NRCAM: variants seen among roughly 807,000 people sequenced by gnomAD.
NRCAM encodes the protein NgCAM-related cell adhesion molecule.
In NRCAM, 83 loss-of-function variants were observed where a neutral mutation model predicts 156.5. The observed-to-expected ratio is 0.53, with a 90% CI of 0.44 to 0.64. The LOEUF is 0.64. NRCAM is among the 30% of genes least tolerant of loss of function. The pLI, the probability that NRCAM is intolerant of heterozygous loss-of-function variation, is 0.00. For missense variants in NRCAM, 1,417 were observed against 1,597.3 expected (o/e 0.89, Z 1.92); for synonymous variants, 538 against 563.9 (o/e 0.95, Z 0.65).
intron 20 of NRCAM, among the ~76,000 whole-genome samples, chr7:108,185,736 A>G (rs1341058562): frequency 6.6e-5 from 1 of 15,052 alleles, no homozygotes; most frequent in Non-Finnish European, 4.5e-4. Context: ...GAGAGAGAGG[A>G]AAAAAAAAAA....
At chr7:108,438,391 G>A (rs1044866687) in intron 1 of NRCAM, among the ~76,000 whole-genome samples, 1 of 152,038 alleles carries the variant, frequency 6.6e-6, no homozygotes, top group African/African-American at 2.4e-5. Flanking sequence ...TACATTAATA[G>A]AATAAATGAC....
At chr7:108,430,999 T>C (rs1033893286) in intron 1 of NRCAM, among the ~76,000 whole-genome samples, 3 of 152,198 alleles carry the variant, frequency 2.0e-5, no homozygotes, top group African/African-American at 4.8e-5. Context: ...CCCTAGTGTA[T>C]TAATTAGGAT....
At chr7:108,368,769 G>C (rs1039800194) in intron 2 of NRCAM, among the ~76,000 whole-genome samples, 1 of 152,096 alleles carries the variant, frequency 6.6e-6, no homozygotes, top group Non-Finnish European at 1.5e-5. Flanking sequence ...ATGAGAAACC[G>C]TATATTTCTG....
intron 2 of NRCAM, among the ~76,000 whole-genome samples, chr7:108,346,635 C>T (rs1013855606): frequency 6.6e-6 from 1 of 152,154 alleles, no homozygotes; most frequent in Non-Finnish European, 1.5e-5. Flanking sequence ...TCACCTCTTA[C>T]AGTGATGGTA....
intron 2 of NRCAM, among the ~76,000 whole-genome samples, chr7:108,341,294 G>C (rs1455802459): frequency 6.6e-6 from 1 of 152,212 alleles, no homozygotes; most frequent in African/African-American, 2.4e-5. Context: ...GGGTATGCTT[G>C]ACCATTGAGG....
chr7:108,439,728 G>A (rs1836367800), intron 1 of NRCAM, among the ~76,000 whole-genome samples: 1 of 151,284 alleles, frequency 6.6e-6, no homozygotes, highest in South Asian at 2.1e-4. Flanking sequence ...CAGCTACTAG[G>A]GAGGCTGAGG....
At chr7:108,363,569 T>C (rs2099572981) in intron 2 of NRCAM, among the ~76,000 whole-genome samples, 1 of 152,170 alleles carries the variant, frequency 6.6e-6, no homozygotes, top group Admixed American at 6.5e-5. Context: ...TTCTTAAGTG[T>C]GAACTGCTCA....
chr7:108,284,126 A>C (rs1036544987), intron 3 of NRCAM, among the ~76,000 whole-genome samples: 3 of 152,142 alleles, frequency 2.0e-5, no homozygotes, highest in African/African-American at 7.2e-5. Flanking sequence ...CCAGCCTCTC[A>C]TTTCCAAATT....
At chr7:108,222,885 C>T (rs753357711) in intron 11 of NRCAM, among the ~76,000 whole-genome samples, 34 of 152,200 alleles carry the variant, frequency 2.2e-4, no homozygotes, top group Middle Eastern at 6.3e-3. Flanking sequence ...TTCCTTGTAA[C>T]ACAGAGCTAA....
intron 2 of NRCAM, among the ~76,000 whole-genome samples, chr7:108,388,791 T>G (rs1049409684): frequency 2.0e-5 from 3 of 152,238 alleles, no homozygotes; most frequent in Non-Finnish European, 4.4e-5. Flanking sequence ...TAGCCAGTTT[T>G]CCCAGCACCA....
chr7:108,359,870 C>G (rs1445585070), intron 2 of NRCAM, among the ~76,000 whole-genome samples: 1 of 152,074 alleles, frequency 6.6e-6, no homozygotes, highest in African/African-American at 2.4e-5. Flanking sequence ...AATCTGCTCC[C>G]CTCCCATTCT....
At chr7:108,152,092 A>G (rs1335688542) in intron 32 of NRCAM, among the ~76,000 whole-genome samples, 1 of 152,166 alleles carries the variant, frequency 6.6e-6, no homozygotes, top group Non-Finnish European at 1.5e-5. Context: ...TTCTAGTGGA[A>G]GAAAATACAA....
chr7:108,370,589 C>T (rs996828571), intron 2 of NRCAM, among the ~76,000 whole-genome samples: 5 of 151,970 alleles, frequency 3.3e-5, no homozygotes, highest in South Asian at 2.1e-4. Context: ...AAAATCGTAA[C>T]GTTTTTCAGA....
chr7:108,387,015 T>C (rs1189672115), intron 2 of NRCAM, among the ~76,000 whole-genome samples: 1 of 152,160 alleles, frequency 6.6e-6, no homozygotes, highest in Admixed American at 6.6e-5. Context: ...TCTAACTATC[T>C]TCCTTCTTTA....
rs969455417 is a variant in NRCAM at position 108,425,669 on chromosome 7, A to G, written c.-331-26076T>C. On this transcript the variant is annotated intron_variant, in intron 1 of 32. Transcript: ENST00000379028. ...AGATCCAAATTCAAGGTTATAAATT[A>G]AATTACAAAATAGCAACGACCTAAA... Among the ~76,000 whole-genome samples, 6 of 152,256 alleles carry G rather than the reference A, an allele frequency of 3.9e-5. No homozygotes were observed. In the East Asian group the frequency reaches 1.2e-3, roughly 29 times the overall value.
At chr7:108,281,823 CTGG>C (rs1563093441) in intron 3 of NRCAM, among the ~76,000 whole-genome samples, 1 of 152,148 alleles carries the variant, frequency 6.6e-6, no homozygotes, top group African/African-American at 2.4e-5. Flanking sequence ...GATGGGCAAA[CTGG>C]ATGTAATAAT....
rs565277285 is a variant in NRCAM, at chr7:108,191,807, C to T, written c.1825G>A (p.Asp609Asn). 1.9e-5 allele frequency: 31 copies of T among 1,613,724 alleles called. No homozygotes were observed. The highest frequency in any genetic ancestry group is 1.6e-4 in the African/African-American group (12 of 74,908). Residue 609 changes from aspartate (D) to asparagine (N), a missense_variant, in exon 18 of 33, where the codon GAT becomes AAT. Coordinates refer to ENST00000379028, the MANE Select transcript of NRCAM (RefSeq NM_001037132.4). The part of the protein sequence containing the change: ...DHLVVADVSD[D>N]DSGTYTCVAN... ...ACACACGTGTAGGTCCCGCTGTCATCGTCACTGACATCAGCTACCACTAGA... is the reference window on the plus strand; with the variant it reads ...ACACACGTGTAGGTCCCGCTGTCATTGTCACTGACATCAGCTACCACTAGA...
chr7:108,205,574 A>G lies in NRCAM; in HGVS notation c.1207+1954T>C, dbSNP rs761596172. ...TTTTCCCTGCTGAAGGGCTAGATGGATGGTTCCTTCCACTTGTCAGTTTCA... is the reference window on the plus strand; with the variant it reads ...TTTTCCCTGCTGAAGGGCTAGATGGGTGGTTCCTTCCACTTGTCAGTTTCA... On this transcript the variant is annotated intron_variant, in intron 13 of 32. Coordinates refer to ENST00000379028, the MANE Select transcript of NRCAM (RefSeq NM_001037132.4). 1.1e-3 allele frequency among the ~76,000 whole-genome samples: 166 copies of G among 152,306 alleles called. 1 individual carries two copies. The highest frequency in any genetic ancestry group is 1.8e-3 in the Non-Finnish European group (124 of 68,022).
intron 17 of NRCAM, among the ~76,000 whole-genome samples, 175 bp from the exon 18 acceptor site, chr7:108,192,028 A>C (rs746302513): frequency 3.3e-5 from 5 of 152,250 alleles, no homozygotes; most frequent in Non-Finnish European, 5.9e-5. Flanking sequence ...AAAAACAATG[A>C]GAATCAATTA....
Sources: allele counts gnomAD v4.1 joint callset (sites outside exome capture counted in the v4.1 genomes callset), GRCh38; gene constraint gnomAD v4.1.1; transcripts MANE v1.5; gene names NCBI Gene and HGNC (gene_info 2026-07-23, HGNC 2026-07-21).